Variants in CCDC192 observed in about 807,000 individuals in gnomAD.
The protein encoded by CCDC192 is coiled-coil domain containing 192.
intron 6 of CCDC192, among the ~76,000 whole-genome samples, chr5:127,924,566 T>C (rs1445605234): frequency 2.0e-5 from 3 of 152,072 alleles, no homozygotes; most frequent in Non-Finnish European, 4.4e-5. Flanking sequence ...TGAGAAGTGA[T>C]TAGCATATGA....
intron 3 of CCDC192, among the ~76,000 whole-genome samples, chr5:127,777,379 C>T (rs73345045): frequency 0.027 from 4,137 of 152,236 alleles, 181 homozygotes; most frequent in African/African-American, 0.093. Context: ...GTGTATTTAT[C>T]GAATGCTTGT....
intron 6 of CCDC192, among the ~76,000 whole-genome samples, chr5:127,937,458 G>T (rs1754217131): frequency 6.6e-6 from 1 of 152,158 alleles, no homozygotes; most frequent in African/African-American, 2.4e-5. Flanking sequence ...TATAAGAAGA[G>T]ATATGAGAGA....
intron 2 of CCDC192, among the ~76,000 whole-genome samples, chr5:127,710,998 C>A (rs1430171040): frequency 1.3e-5 from 2 of 152,156 alleles, no homozygotes; most frequent in African/African-American, 4.8e-5. Context: ...ATTTTAACAT[C>A]TTCTGACAGA....
chr5:127,831,382 GTGTGTGTGTGCATC>G (rs751267257), intron 5 of CCDC192, among the ~76,000 whole-genome samples: 4 of 151,840 alleles, frequency 2.6e-5, no homozygotes, highest in South Asian at 2.1e-4. Context: ...ATGTGTGCGT[GTGTGTGTGTGCATC>G]TGTGTGTGTG....
intron 2 of CCDC192, among the ~76,000 whole-genome samples, chr5:127,729,417 G>T (rs375814844): frequency 1.2e-4 from 19 of 152,280 alleles, no homozygotes; most frequent in African/African-American, 4.6e-4. Flanking sequence ...AATAGTGGGA[G>T]ACTTTGAGAC....
chr5:127,798,184 T>C (rs1037632011), intron 5 of CCDC192, 22 bp downstream of exon 5: 6 of 398,174 alleles, frequency 1.5e-5, no homozygotes, highest in Non-Finnish European at 2.2e-5. Context: ...CCTCCTTTTT[T>C]CATCCCTTTA....
intron 3 of CCDC192, among the ~76,000 whole-genome samples, chr5:127,766,233 T>G (rs897167328): frequency 6.6e-6 from 1 of 152,028 alleles, no homozygotes. Context: ...TCTGATCTGC[T>G]CAGTCAAGGA....
At chr5:127,866,389 G>A (rs1162530001) in intron 5 of CCDC192, among the ~76,000 whole-genome samples, 1 of 150,708 alleles carries the variant, frequency 6.6e-6, no homozygotes, top group Non-Finnish European at 1.5e-5. Flanking sequence ...AATGAAGTCA[G>A]TGGAAAATTT....
At chr5:127,748,479 G>T (rs1753919185) in intron 2 of CCDC192, among the ~76,000 whole-genome samples, 1 of 102,604 alleles carries the variant, frequency 9.7e-6, no homozygotes, top group Non-Finnish European at 2.0e-5. Flanking sequence ...CTCTGTTTTG[G>T]TACCAGTACC....
At chr5:127,876,660 C>T (rs1365486489) in intron 6 of CCDC192, among the ~76,000 whole-genome samples, 4 of 152,100 alleles carry the variant, frequency 2.6e-5, no homozygotes, top group Admixed American at 2.6e-4. Context: ...AGGAACATGC[C>T]ATCGTTCTTA....
intron 2 of CCDC192, among the ~76,000 whole-genome samples, chr5:127,733,106 C>T (rs557608182): frequency 2.0e-5 from 3 of 152,010 alleles, no homozygotes; most frequent in Non-Finnish European, 4.4e-5. Flanking sequence ...AAGGCTGTGC[C>T]CTCCCCACTT....
chr5:127,921,252 T>G (rs1753712751), intron 6 of CCDC192, among the ~76,000 whole-genome samples: 1 of 144,912 alleles, frequency 6.9e-6, no homozygotes, highest in African/African-American at 2.6e-5. Flanking sequence ...GAAGGAAGGG[T>G]AGGAAGGTAA....
intron 3 of CCDC192, among the ~76,000 whole-genome samples, chr5:127,792,525 C>CATATATATATATATAT (rs34017962): frequency 2.8e-5 from 4 of 141,270 alleles, no homozygotes; most frequent in African/African-American, 7.9e-5. Context: ...ATCACCATCT[C>CATATATATATATATAT]ATATATATAT....
chr5:127,919,447 C>T (rs965530337), intron 6 of CCDC192, among the ~76,000 whole-genome samples: 3 of 152,078 alleles, frequency 2.0e-5, no homozygotes, highest in Admixed American at 2.0e-4. Flanking sequence ...TTCCAGAACC[C>T]ATCCATATTT....
intron 3 of CCDC192, among the ~76,000 whole-genome samples, chr5:127,783,551 TC>T (rs1442722938): frequency 2.6e-5 from 4 of 152,230 alleles, no homozygotes; most frequent in Non-Finnish European, 1.5e-5. Context: ...ATATGGTCTA[TC>T]TTGGAGAAAG....
intron 3 of CCDC192, among the ~76,000 whole-genome samples, chr5:127,780,085 G>T (rs1196994883): frequency 6.6e-6 from 1 of 151,876 alleles, no homozygotes; most frequent in Non-Finnish European, 1.5e-5. Context: ...TGGCTGAGTA[G>T]TATTCCATCA....
At chr5:127,868,502 A>G (rs1751707127) in intron 5 of CCDC192, among the ~76,000 whole-genome samples, 1 of 152,354 alleles carries the variant, frequency 6.6e-6, no homozygotes, top group East Asian at 1.9e-4. Context: ...ACTCTAATTC[A>G]TACTCAGTGG....
rs1219307107 is a variant in CCDC192, at chr5:127,918,216, T to TAAAAAAA, written c.536-22953_536-22947dup. Among the ~76,000 whole-genome samples, 149 of 100,372 alleles carry TAAAAAAA rather than the reference T, an allele frequency of 1.5e-3. 8 individuals are homozygous for TAAAAAAA. Among genetic ancestry groups the TAAAAAAA allele is most frequent in the African/African-American group, 5.1e-3 (114 of 22,146 alleles). The allele number at this position is 100,372 out of a possible 152,430, so 65.8% of individuals were successfully genotyped here. A position where few individuals can be genotyped will look rare whatever the true frequency, so the allele number is the denominator to read the frequency against. On this transcript the variant is annotated intron_variant, in intron 6 of 6. Transcript: ENST00000514853. ...AGGGTTGCCAGACACCTTCAATTTG[T>TAAAAAAA]AAAAAAAAAAAAAAAAAAAGTAGTA...
intron 5 of CCDC192, among the ~76,000 whole-genome samples, chr5:127,834,250 A>G (rs1749933156): frequency 6.6e-6 from 1 of 152,104 alleles, no homozygotes; most frequent in South Asian, 2.1e-4. Flanking sequence ...CCTTCCCACA[A>G]TTTGTTGCCC....
Sources: gnomAD v4.1 joint callset for allele counts (sites outside exome capture counted in the v4.1 genomes callset) on GRCh38, gnomAD v4.1.1 for gene constraint, MANE v1.5 for transcripts, NCBI Gene and HGNC (gene_info 2026-07-23, HGNC 2026-07-21) for gene names.